FHIT: variants seen among roughly 807,000 people sequenced by gnomAD.
FHIT encodes the protein fragile histidine triad diadenosine triphosphatase, also known as bis(5'-adenosyl)-triphosphatase.
Under a neutral mutation model 17.9 loss-of-function variants are expected in FHIT, and 19 were observed. The observed-to-expected ratio is 1.06, with a 90% CI of 0.74 to 1.56. The LOEUF (loss-of-function observed/expected upper bound fraction) is 1.56. Among genes scored for constraint, FHIT ranks in the 40% most tolerant of loss-of-function variants. FHIT has a pLI of 0.00. For missense variants in FHIT, 248 were observed against 189.2 expected (o/e 1.31, Z -1.82); for synonymous variants, 81 against 69.7 (o/e 1.16, Z -0.81).
intron 5 of FHIT, among the ~76,000 whole-genome samples, chr3:60,143,428 T>C (rs919134999): frequency 5.3e-5 from 8 of 152,072 alleles, no homozygotes; most frequent in South Asian, 2.1e-4. Flanking sequence ...ACTACAGCCA[T>C]AGAAGTAAGT....
At chr3:59,917,859 T>A (rs148092806) in intron 8 of FHIT, among the ~76,000 whole-genome samples, 37 of 152,344 alleles carry the variant, frequency 2.4e-4, no homozygotes, top group Non-Finnish European at 5.0e-4. Flanking sequence ...ATCCTACATC[T>A]GTATTTGTTA....
chr3:60,918,530 T>A (rs544872194), intron 3 of FHIT, among the ~76,000 whole-genome samples: 1 of 152,096 alleles, frequency 6.6e-6, no homozygotes, highest in African/African-American at 2.4e-5. Flanking sequence ...GGGCAGGCAA[T>A]AAGTGTCAGA....
chr3:59,840,994 G>A (rs1171783431), intron 8 of FHIT, among the ~76,000 whole-genome samples: 1 of 152,140 alleles, frequency 6.6e-6, no homozygotes, highest in Non-Finnish European at 1.5e-5. Flanking sequence ...AAACACCCAG[G>A]AACCAATGGT....
rs559156826 is a variant in FHIT, at chr3:59,988,373, GGA to G, written c.279+22996_279+22997del. ...TTTCTCTCACCTCTTATGCCCTGGT[GGA>G]GTCTATTGTTGGTTTATGTGTAACA... On this transcript the variant is annotated intron_variant, in intron 7 of 9. Coordinates refer to ENST00000492590, the MANE Select transcript of FHIT (RefSeq NM_002012.4). Among the ~76,000 whole-genome samples the G allele has an allele frequency of 8.7e-4, 133 of 152,126 alleles. 4 individuals carry two copies. The South Asian group carries it at 0.026, about 30-fold the overall frequency.
chr3:60,052,184 A>G (rs1161426776), intron 5 of FHIT, among the ~76,000 whole-genome samples: 1 of 152,146 alleles, frequency 6.6e-6, no homozygotes, highest in Admixed American at 6.5e-5. Context: ...TCTAGGGGTC[A>G]CAGTCTATAA....
chr3:59,940,829 C>G (rs896511216), intron 7 of FHIT, among the ~76,000 whole-genome samples: 7 of 152,164 alleles, frequency 4.6e-5, no homozygotes, highest in Non-Finnish European at 1.0e-4. Flanking sequence ...TTAGAAAATG[C>G]CTTATAAATG....
At chr3:60,032,757 T>C (rs541531212) in intron 5 of FHIT, among the ~76,000 whole-genome samples, 11 of 151,540 alleles carry the variant, frequency 7.3e-5, no homozygotes, top group African/African-American at 1.7e-4. Context: ...AGCTGTCTAA[T>C]AGAACTTTTT....
intron 5 of FHIT, among the ~76,000 whole-genome samples, chr3:60,209,690 C>A (rs1024168438): frequency 6.6e-6 from 1 of 152,062 alleles, no homozygotes; most frequent in Non-Finnish European, 1.5e-5. Flanking sequence ...AATCTAAATG[C>A]CCATCAATGA....
At chr3:59,869,386 A>G (rs1251744615) in intron 8 of FHIT, among the ~76,000 whole-genome samples, 1 of 152,010 alleles carries the variant, frequency 6.6e-6, no homozygotes, top group East Asian at 1.9e-4. Flanking sequence ...TAGACTTCAC[A>G]TTATAGAAAA....
rs1048040810 is a variant in FHIT at position 59,832,821 on chromosome 3, T to C, written c.349-80500A>G. ...ATGCTAGGGGCTATCTTCCCTATCA[T>C]TGAGTGAAAGACTATTTATGTATTA... On this transcript the variant is annotated intron_variant, in intron 8 of 9. Transcript: ENST00000492590. Among the ~76,000 whole-genome samples, 5 of 152,316 alleles carry C rather than the reference T, an allele frequency of 3.3e-5. No homozygotes were observed. The East Asian group carries it at 5.8e-4, about 18-fold the overall frequency.
At chr3:60,485,332 T>C (rs764325176) in intron 5 of FHIT, among the ~76,000 whole-genome samples, 23 of 152,320 alleles carry the variant, frequency 1.5e-4, no homozygotes, top group Middle Eastern at 3.4e-3. Flanking sequence ...TAAATCATTC[T>C]ACTATAAAGA....
chr3:60,762,828 T>C (rs1419053613), intron 4 of FHIT, among the ~76,000 whole-genome samples: 1 of 152,176 alleles, frequency 6.6e-6, no homozygotes, highest in East Asian at 1.9e-4. Context: ...TTGCCAGCAG[T>C]CTGCTTTTGG....
At chr3:60,854,426 G>A (rs928511440) in intron 3 of FHIT, among the ~76,000 whole-genome samples, 1 of 152,084 alleles carries the variant, frequency 6.6e-6, no homozygotes, top group African/African-American at 2.4e-5. Flanking sequence ...TTTAAACACA[G>A]AAAGCTTTCT....
intron 8 of FHIT, among the ~76,000 whole-genome samples, chr3:59,846,095 C>A (rs920579194): frequency 6.6e-6 from 1 of 152,038 alleles, no homozygotes; most frequent in African/African-American, 2.4e-5. Context: ...AAAGTAATTA[C>A]TGTTAAGGAG....
chr3:59,968,201 T>G (rs973575669), intron 7 of FHIT, among the ~76,000 whole-genome samples: 1 of 152,110 alleles, frequency 6.6e-6, no homozygotes, highest in South Asian at 2.1e-4. Flanking sequence ...GTACCCACCA[T>G]TGACCTTAAC....
Position 60,255,482 on chromosome 3 carries a change from C to G in FHIT, c.104-241330G>C, listed in dbSNP as rs538399151. ...GGGAGTAGTGGGAACTGCAGCCAGC[C>G]GGACAGAGCAAGCACCACCCGGGGC... On this transcript the variant is annotated intron_variant, in intron 5 of 9. Coordinates refer to ENST00000492590, the MANE Select transcript of FHIT (RefSeq NM_002012.4). 5.9e-5 allele frequency among the ~76,000 whole-genome samples: 9 copies of G among 152,072 alleles called. No individual in the cohort carries two copies. The East Asian group carries it at 1.7e-3, about 29-fold the overall frequency.
intron 5 of FHIT, among the ~76,000 whole-genome samples, chr3:60,172,439 ATTT>A (rs563530884): frequency 1.5e-5 from 2 of 134,460 alleles, no homozygotes; most frequent in East Asian, 2.2e-4. Context: ...CTAATTTTGT[ATTT>A]TTTTTTTTTT....
chr3:60,323,798 A>G (rs1239584265), intron 5 of FHIT, among the ~76,000 whole-genome samples: 1 of 152,222 alleles, frequency 6.6e-6, no homozygotes, highest in Non-Finnish European at 1.5e-5. Context: ...TTGAAACAAA[A>G]GGATATTAAA....
intron 5 of FHIT, among the ~76,000 whole-genome samples, chr3:60,266,113 C>T (rs984716073): frequency 6.6e-6 from 1 of 151,938 alleles, no homozygotes; most frequent in African/African-American, 2.4e-5. Flanking sequence ...ATGTTTATAA[C>T]AGCATCATCC....
Sources: gnomAD v4.1 joint callset for allele counts (sites outside exome capture counted in the v4.1 genomes callset) on GRCh38, gnomAD v4.1.1 for gene constraint, MANE v1.5 for transcripts, NCBI Gene and HGNC (gene_info 2026-07-23, HGNC 2026-07-21) for gene names.